Variants in MED16 observed in about 807,000 individuals in gnomAD.
The protein encoded by MED16 is mediator of RNA polymerase II transcription subunit 16.
Under a neutral mutation model 84.4 loss-of-function variants are expected in MED16, and 81 were observed. The observed-to-expected ratio is 0.96, with a 90% confidence interval of 0.80 to 1.15. MED16 has a LOEUF of 1.15. Among genes scored for constraint, MED16 ranks in the 50% most tolerant of loss-of-function variants. MED16 has a pLI of 0.00. For missense variants in MED16, 1,585 were observed against 1,245.9 expected, an observed-to-expected ratio of 1.27 and a Z score of -4.10; for synonymous variants, 897 against 552.2, an observed-to-expected ratio of 1.62 and a Z score of -8.76.
Position 890,183 on chromosome 19 carries a change from G to A in MED16, c.231C>T (p.Pro77=), listed in dbSNP as rs1424045194. 6.4e-7 allele frequency: 1 copy of A among 1,554,336 alleles called. No homozygotes were observed. Among genetic ancestry groups the A allele is most frequent in the African/African-American group, 1.4e-5 (1 of 73,322 alleles). The part of the protein sequence containing the change: ...TEHPWDLHSI[P]SEHHEAITCL... The stretch of plus-strand genomic sequence containing the variant: ...AGGTGATGGCCTCGTGGTGCTCTGA[G>A]GGGATCGAGTGCAGGTCCCAGGGGT... The change falls in exon 3 of 16, where the codon CCC becomes CCT. Residue 77 remains proline (P), a synonymous_variant. Transcript: ENST00000325464.
At chr19:869,141 C>G (rs974477598) in intron 13 of MED16, among the ~76,000 whole-genome samples, 195 bp from the exon 14 acceptor site, 24 of 152,100 alleles carry the variant, frequency 1.6e-4, no homozygotes, top group African/African-American at 5.1e-4. Context: ...GGGGCGGGAC[C>G]CCCCACACGG....
In MED16 at chr19:890,197, G is replaced by A; in HGVS notation, c.217C>T (p.Leu73=). ...TGGTGCTCTGAGGGGATCGAGTGCA[G>A]GTCCCAGGGGTGCTCCGTGTCCAGG... The part of the protein sequence containing the change: ...HILDTEHPWD[L]HSIPSEHHEA... The change falls in exon 3 of 16, where the codon CTG becomes TTG. Residue 73 remains leucine (L), a synonymous_variant. Transcript: ENST00000325464. 6.4e-7 allele frequency: 1 copy of A among 1,555,022 alleles called. No individual in the cohort carries two copies. Among genetic ancestry groups the A allele is most frequent in the Non-Finnish European group, 8.7e-7 (1 of 1,149,178 alleles).
rs999587049 is a variant in MED16, at chr19:869,163, T to C, written c.2316-217A>G. 1.3e-5 allele frequency among the ~76,000 whole-genome samples: 2 copies of C among 151,280 alleles called. 1 individual carries two copies. The highest frequency in any genetic ancestry group is 4.2e-4 in the South Asian group (2 of 4,790). On this transcript the variant is annotated intron_variant, in intron 13 of 15. Transcript: ENST00000325464. ...GACCCCCCACACGGAGGAGGGTTGG[T>C]CTCCCAGGTGCCTGGGGAGCTTGAG...
chr19:887,301 T>C (rs2036546127), intron 4 of MED16, among the ~76,000 whole-genome samples: 1 of 152,156 alleles, frequency 6.6e-6, no homozygotes, highest in African/African-American at 2.4e-5. Context: ...ACCACACGTC[T>C]GTGTGGGTCG....
At position 872,096 on chromosome 19, in the gene MED16, T is replaced by G. The variant is rs754866376; in HGVS notation, c.1928A>C (p.His643Pro). ...CGAGGTGCCGTCCCGCAGAAAGCTGTGGCCCGGCCTCAGCAGGGAACCCTG... is the reference window on the plus strand; with the variant it reads ...CGAGGTGCCGTCCCGCAGAAAGCTGGGGCCCGGCCTCAGCAGGGAACCCTG... ...PNQGSLLRPG[H>P]SFLRDGTSLG... Residue 643 changes from histidine (H) to proline (P), a missense_variant, in exon 12 of 16, where the codon CAC becomes CCC. Coordinates refer to ENST00000325464, the MANE Select transcript of MED16 (RefSeq NM_005481.3). 13 of 1,606,090 alleles carry G rather than the reference T, an allele frequency of 8.1e-6. No individual in the cohort carries two copies. The highest frequency in any genetic ancestry group is 1.0e-5 in the Non-Finnish European group (12 of 1,176,488).
At position 880,070 on chromosome 19, in the gene MED16, C is replaced by T; in HGVS notation, c.1220G>A (p.Ser407Asn). The T allele has an allele frequency of 1.2e-6, 2 of 1,611,116 alleles. No homozygotes were observed. Among genetic ancestry groups the T allele is most frequent in the Non-Finnish European group, 1.7e-6 (2 of 1,179,408 alleles). The change falls in exon 8 of 16, where the codon AGC becomes AAC. Residue 407 changes from serine (S) to asparagine (N), a missense_variant. Transcript: ENST00000325464. ...ATCCACAGGCCTCGGGGCCGCGGAG[C>T]TGTAGAAGACGGCCATGGTCTGCAG... ...LSLQTMAVFY[S>N]SAAPRPVDEP...
intron 4 of MED16, among the ~76,000 whole-genome samples, chr19:888,589 G>C (rs1172381311): frequency 6.6e-6 from 1 of 151,386 alleles, no homozygotes; most frequent in East Asian, 1.9e-4. Flanking sequence ...ACAACATGGC[G>C]AGTGTATACG....
At chr19:889,489 T>C (rs1050040812) in intron 4 of MED16, 149 bp downstream of exon 4, 1 of 823,242 alleles carries the variant, frequency 1.2e-6, no homozygotes, top group Non-Finnish European at 1.8e-6. Flanking sequence ...AACACACAGG[T>C]GCTAATGACA....
At chr19:880,725 G>A (rs1171880087) in intron 7 of MED16, among the ~76,000 whole-genome samples, 1 of 152,158 alleles carries the variant, frequency 6.6e-6, no homozygotes, top group African/African-American at 2.4e-5. Context: ...TTCGAGACCA[G>A]CCTGGGCAAC....
rs1284724028 is a variant in MED16, at chr19:873,452, G to C, written c.1902C>G (p.Asn634Lys). Reference sequence around the variant, plus strand: ...CTTAGGGGAGAGCATGGCGCACCTGGTTGGGTAGGCTGGCCAGCAGGTACA... The same window carrying C: ...CTTAGGGGAGAGCATGGCGCACCTGCTTGGGTAGGCTGGCCAGCAGGTACA... Reference protein sequence around the residue: ...FVLYLLASLPNQGSLLRPGHS... With the variant: ...FVLYLLASLPKQGSLLRPGHS... Residue 634 changes from asparagine to lysine, a missense_variant, in exon 11 of 16, where the codon AAC becomes AAG. Physicochemically the swap from Asn to Lys is moderately conservative, Grantham distance 94. Coordinates refer to ENST00000325464, the MANE Select transcript of MED16 (RefSeq NM_005481.3). 6.2e-7 allele frequency: 1 copy of C among 1,608,144 alleles called. No individual in the cohort carries two copies. The highest frequency in any genetic ancestry group is 1.1e-5 in the South Asian group (1 of 91,050).
At chr19:882,388 A>C (rs942687662) in intron 6 of MED16, among the ~76,000 whole-genome samples, 12 of 85,678 alleles carry the variant, frequency 1.4e-4, no homozygotes, top group Non-Finnish European at 3.3e-4. Flanking sequence ...GTGGTGATGC[A>C]CGCCTGCACA....
intron 3 of MED16, 53 bp from the exon 4 acceptor site, chr19:889,860 C>A (rs1599346254): frequency 1.3e-6 from 2 of 1,542,838 alleles, no homozygotes; most frequent in South Asian, 1.2e-5. Flanking sequence ...CAGAGCACTG[C>A]GTTGCAGGAC....
At chr19:890,780 C>T (rs2036616492) in intron 2 of MED16, among the ~76,000 whole-genome samples, 183 bp downstream of exon 2, 1 of 152,196 alleles carries the variant, frequency 6.6e-6, no homozygotes, top group Non-Finnish European at 1.5e-5. Flanking sequence ...GTTTGGGGGG[C>T]ACTGAATCCA....
At chr19:880,270 C>T (rs2036392826) in intron 7 of MED16, 122 bp from the exon 8 acceptor site, 2 of 860,478 alleles carry the variant, frequency 2.3e-6, no homozygotes, top group Non-Finnish European at 1.7e-6. Context: ...TCAGCCCCCG[C>T]CAATCGGCAT....
chr19:874,630 C>T (rs1029908754), intron 10 of MED16, among the ~76,000 whole-genome samples: 1 of 152,172 alleles, frequency 6.6e-6, no homozygotes, highest in Non-Finnish European at 1.5e-5. Context: ...CGTCTCAGCC[C>T]CCAGGAGTAG....
At chr19:892,938 G>GCC (rs869260826) in intron 1 of MED16, 148 bp downstream of exon 1, 1 of 118,390 alleles carries the variant, frequency 8.4e-6, no homozygotes. Flanking sequence ...CGCGCCCCGC[G>GCC]CCCCAGGCCG....
Position 873,727 on chromosome 19 carries a change from G to A in MED16, c.1772-145C>T, listed in dbSNP as rs376767001. 693 of 988,314 alleles carry A rather than the reference G, an allele frequency of 7.0e-4. 5 individuals carry two copies. Among genetic ancestry groups the A allele is most frequent in the African/African-American group, 1.8e-4 (11 of 62,130 alleles). The allele number at this position is 988,314 out of a possible 1,614,324, so 61.2% of individuals were successfully genotyped here. Reference sequence around the variant, plus strand: ...CCCACACCGGGAACGAGAAGGGGGCGATGGCGTTGCCGGACGGAGAGGAAC... The same window carrying A: ...CCCACACCGGGAACGAGAAGGGGGCAATGGCGTTGCCGGACGGAGAGGAAC... On this transcript the variant is annotated intron_variant, in intron 10 of 15. Coordinates refer to ENST00000325464, the MANE Select transcript of MED16 (RefSeq NM_005481.3).
chr19:892,938 G>GCCCC (rs869260826), intron 1 of MED16, 148 bp downstream of exon 1: 8 of 118,480 alleles, frequency 6.8e-5, no homozygotes, highest in Non-Finnish European at 1.3e-4. Flanking sequence ...CGCGCCCCGC[G>GCCCC]CCCCAGGCCG....
At chr19:881,918 C>T (rs1016984129) in intron 6 of MED16, among the ~76,000 whole-genome samples, 3 of 152,178 alleles carry the variant, frequency 2.0e-5, no homozygotes, top group Non-Finnish European at 4.4e-5. Context: ...AGGATGGGCA[C>T]GTGACCCAAG....
Sources: allele counts gnomAD v4.1 joint callset (sites outside exome capture counted in the v4.1 genomes callset), GRCh38; gene constraint gnomAD v4.1.1; transcripts MANE v1.5; gene names NCBI Gene and HGNC (gene_info 2026-07-23, HGNC 2026-07-21).